Variants in CELF3 observed in about 807,000 individuals in gnomAD.
The protein encoded by CELF3 is CUGBP Elav-like family member 3, also known as CAG repeat domain.
In CELF3, 26 loss-of-function variants were observed where a neutral mutation model predicts 59.6. That is an observed-to-expected ratio of 0.44 (90% CI 0.32 to 0.61). CELF3 has a LOEUF of 0.61. CELF3 is among the 20% of genes least tolerant of loss of function. CELF3 has a pLI of 0.06. For synonymous variants in CELF3, 245 were observed against 250.7 expected (o/e 0.98, Z 0.22); for missense variants, 387 against 627.2 (o/e 0.62, Z 4.09).
At position 151,705,091 on chromosome 1, in the gene CELF3, G is replaced by T. The variant is rs1198353062; in HGVS notation, c.1348C>A (p.Arg450Ser). 6.2e-7 allele frequency: 1 copy of T among 1,613,972 alleles called. No homozygotes were observed. The highest frequency in any genetic ancestry group is 1.1e-5 in the South Asian group (1 of 91,080). ...GGCCGCTTTAGCTGGACTTTGAGGC[G>T]CTTCATGCCGATCTGGAAGCCATTC... ...AMNGFQIGMK[R>S]LKVQLKRPKD... The change falls in exon 12 of 13, where the codon CGC becomes AGC. Residue 450 changes from arginine to serine, a missense_variant. By Grantham distance (110) the Arg-to-Ser change is moderately radical (BLOSUM62 -1). Around this residue, in one of 3 missense-constraint regions of CELF3, gnomAD observed 48 missense variants for 118.8 expected, o/e 0.40. Transcript: ENST00000290583. This position sits in a 1 kb window ranked among gnomAD's most constrained non-coding sequence, Gnocchi z 5.1.
chr1:151,714,711 G>A (rs112842239), intron 1 of CELF3, 35 bp from the exon 2 acceptor site: 2 of 1,434,356 alleles, frequency 1.4e-6, no homozygotes, highest in Non-Finnish European at 1.9e-6. Flanking sequence ...ACACGGCGGG[G>A]GGTGAGTCCT....
chr1:151,712,147 C>T (rs2101472322), intron 2 of CELF3: 1 of 152,436 alleles, frequency 6.6e-6, no homozygotes, highest in Non-Finnish European at 1.5e-5. Context: ...CTGAGTCCAG[C>T]TGTGCCCTGT....
In CELF3 at chr1:151,716,478, T is replaced by C. The variant is rs1673489473; in HGVS notation, c.-458A>G. 9.9e-6 allele frequency: 3 copies of C among 303,370 alleles called. No individual in the cohort carries two copies. Among genetic ancestry groups the C allele is most frequent in the South Asian group, 5.7e-5 (2 of 34,794 alleles). 18.8% of individuals were successfully genotyped at this position (303,370 alleles called of 1,614,324 possible). A position where few individuals can be genotyped will look rare whatever the true frequency, so the allele number is the denominator to read the frequency against. ...GGGCCTGCTATGGTTGCCAGCAGCGTCAGTAAGGGGGGCCCACTCCTGATG... is the reference window on the plus strand; with the variant it reads ...GGGCCTGCTATGGTTGCCAGCAGCGCCAGTAAGGGGGGCCCACTCCTGATG... On this transcript the variant is annotated 5_prime_UTR_variant, in exon 1 of 13. Coordinates refer to ENST00000290583, the MANE Select transcript of CELF3 (RefSeq NM_007185.7).
intron 8 of CELF3, 74 bp downstream of exon 8, chr1:151,707,071 T>A: frequency 7.3e-7 from 1 of 1,379,060 alleles, no homozygotes; most frequent in African/African-American, 1.5e-5. Context: ...GGAGGGAAGG[T>A]GTGTCCTGCC....
At chr1:151,715,578 C>T (rs1442850068) in intron 1 of CELF3, 3 of 1,379,636 alleles carry the variant, frequency 2.2e-6, no homozygotes, top group African/African-American at 1.4e-5. Context: ...CTCTCTTGTC[C>T]CTCCATTCTT....
At position 151,707,049 on chromosome 1, in the gene CELF3, C is replaced by A. The variant is rs1363986697; in HGVS notation, c.922+96G>T. The A allele has an allele frequency of 4.5e-6, 6 of 1,320,758 alleles. No individual in the cohort carries two copies. The African/African-American group carries it at 9.0e-5, about 20-fold the overall frequency. 81.8% of individuals were successfully genotyped at this position (1,320,758 alleles called of 1,614,324 possible). The stretch of plus-strand genomic sequence containing the variant: ...GGCAGGGCAGGAGGAAGCACCTGTA[C>A]CCCCAAAGCTGGGAGGGAAGGTGTG... On this transcript the variant is annotated intron_variant, in intron 8 of 12. Transcript: ENST00000290583.
At position 151,716,039 on chromosome 1, in the gene CELF3, G is replaced by C; in HGVS notation, c.-19C>G. 1 of 1,600,360 alleles carries C rather than the reference G, an allele frequency of 6.2e-7. No individual in the cohort carries two copies. Among genetic ancestry groups the C allele is most frequent in the Non-Finnish European group, 8.5e-7 (1 of 1,172,662 alleles). On this transcript the variant is annotated 5_prime_UTR_variant, in exon 1 of 13. Transcript: ENST00000290583. ...CCTTCATTGAGGCGGCCCAGGAGGA[G>C]GGGCCGAGGGGAGCAGGGAGAGGCC...
intron 2 of CELF3, among the ~76,000 whole-genome samples, chr1:151,712,816 A>T (rs34660868): frequency 0.24 from 36,879 of 152,040 alleles, 4,764 homozygotes; most frequent in Middle Eastern, 0.36. Flanking sequence ...TGATTTTTTT[A>T]AAAAAACCTG....
rs755698942 is a variant in CELF3, at chr1:151,709,207, G to GT, written c.406+12dup. ...GAAGGGCCCGGTGGGGAAGGGGGAAGTGGGTGGACTACCTTTGCTGGTGCC... is the reference window on the plus strand; with the variant it reads ...GAAGGGCCCGGTGGGGAAGGGGGAAGTTGGGTGGACTACCTTTGCTGGTGCC... On this transcript the variant is annotated intron_variant, in intron 4 of 12. Coordinates refer to ENST00000290583, the MANE Select transcript of CELF3 (RefSeq NM_007185.7). The surrounding 1 kb of genome is among the most constrained non-coding windows in gnomAD (Gnocchi z 4.9). 6.2e-7 allele frequency: 1 copy of GT among 1,612,848 alleles called. No homozygotes were observed. Among genetic ancestry groups the GT allele is most frequent in the South Asian group, 1.1e-5 (1 of 91,072 alleles).
rs543348840 is a variant in CELF3, at chr1:151,709,049, G to A, written c.435C>T (p.His145=). The part of the protein sequence containing the change: ...KGCAFVKFQT[H]AEAQAAINTL... ...TGTTGATGGCCGCCTGGGCCTCAGC[G>A]TGGGTCTGGAACTTCACGAAGGCGC... The change falls in exon 5 of 13, where the codon CAC becomes CAT. Residue 145 remains histidine (H), a synonymous_variant. Transcript: ENST00000290583. This position sits in a 1 kb window ranked among gnomAD's most constrained non-coding sequence, Gnocchi z 4.9. The A allele has an allele frequency of 3.3e-4, 537 of 1,613,942 alleles. 6 individuals carry two copies. In the South Asian group the frequency reaches 5.6e-3, roughly 17 times the overall value.
At chr1:151,704,926 T>A in intron 12 of CELF3, 105 bp downstream of exon 12, 1 of 1,277,602 alleles carries the variant, frequency 7.8e-7, no homozygotes, top group South Asian at 1.6e-5. Flanking sequence ...GGGGTGGGCA[T>A]CCCTGAGGGT....
In CELF3 at chr1:151,703,410, A is replaced by G; in HGVS notation, c.*49T>C. On this transcript the variant is annotated 3_prime_UTR_variant, in exon 13 of 13. Transcript: ENST00000290583. ...GAGAGGGCCGGGGCCAGTCGTGGGA[A>G]GAGGGTGTGAGGCGCCCCTTCCTCT... is the stretch of plus-strand genomic sequence containing the variant. The G allele has an allele frequency of 2.7e-6, 1 of 374,264 alleles. No homozygotes were observed. The highest frequency in any genetic ancestry group is 7.3e-5 in the East Asian group (1 of 13,730). 23.2% of individuals were successfully genotyped at this position (374,264 alleles called of 1,614,324 possible).
In CELF3 at chr1:151,715,987, C is replaced by G; in HGVS notation, c.34G>C (p.Gly12Arg). 6.2e-7 allele frequency: 1 copy of G among 1,613,982 alleles called. No individual in the cohort carries two copies. Among genetic ancestry groups the G allele is most frequent in the Non-Finnish European group, 8.5e-7 (1 of 1,179,902 alleles). ...KEPDAIKLFV[G>R]QIPRHLEEKD... ...TCCTCCAGATGCCTCGGGATCTGCCCCACAAACAGCTTGATGGCATCCGGC... is the reference window on the plus strand; with the variant it reads ...TCCTCCAGATGCCTCGGGATCTGCCGCACAAACAGCTTGATGGCATCCGGC... Residue 12 changes from glycine (G) to arginine (R), a missense_variant, in exon 1 of 13, where the codon GGG becomes CGG. Gly to Arg is a moderately radical substitution (Grantham distance 125, BLOSUM62 -2). Transcript: ENST00000290583.
rs118104211 is a variant in CELF3, at chr1:151,708,731, G to A, written c.486+267C>T. On this transcript the variant is annotated intron_variant, in intron 5 of 12. Coordinates refer to ENST00000290583, the MANE Select transcript of CELF3 (RefSeq NM_007185.7). The stretch of plus-strand genomic sequence containing the variant: ...GGAAGGCTGGAGAAGAGACGGGGGT[G>A]AAGGGAGGGCTGGGGAATGGAGGGA... Among the ~76,000 whole-genome samples, 693 of 151,772 alleles carry A rather than the reference G, an allele frequency of 4.6e-3. 22 individuals carry two copies. The highest frequency in any genetic ancestry group is 0.035 in the East Asian group (177 of 5,130).
rs150353802 is a variant in CELF3, at chr1:151,705,628, C to A, written c.1270+194G>T. ...GAATTTGGCCAGTTTTTAAGAGAAACGCTGAAGGAAGAAGAGATGGGCCGA... is the reference window on the plus strand; with the variant it reads ...GAATTTGGCCAGTTTTTAAGAGAAAAGCTGAAGGAAGAAGAGATGGGCCGA... On this transcript the variant is annotated intron_variant, in intron 11 of 12. Transcript: ENST00000290583. The surrounding 1 kb of genome is among the most constrained non-coding windows in gnomAD (Gnocchi z 5.1). Among the ~76,000 whole-genome samples the A allele has an allele frequency of 6.6e-6, 1 of 152,258 alleles. No homozygotes were observed. The highest frequency in any genetic ancestry group is 1.5e-5 in the Non-Finnish European group (1 of 68,014).
At chr1:151,714,503 G>T in intron 2 of CELF3, 91 bp downstream of exon 2, 1 of 919,716 alleles carries the variant, frequency 1.1e-6, no homozygotes, top group Non-Finnish European at 1.8e-6. Context: ...AGAGGAGGTG[G>T]AAATTATGCT....
Position 151,703,085 on chromosome 1 carries a change from G to T in CELF3, c.*374C>A. The stretch of plus-strand genomic sequence containing the variant: ...TGTGGCAGGCCCCTGCGGCTCTCCT[G>T]GGGCCTGCACGGGTAGAACAGGCCC... On this transcript the variant is annotated 3_prime_UTR_variant, in exon 13 of 13. Transcript: ENST00000290583. The T allele has an allele frequency of 2.2e-6, 1 of 446,292 alleles. No homozygotes were observed. The highest frequency in any genetic ancestry group is 2.0e-5 in the African/African-American group (1 of 49,844). The allele number at this position is 446,292 out of a possible 1,614,324, so 27.6% of individuals were successfully genotyped here.
rs998483728 is a variant in CELF3 at position 151,709,540 on chromosome 1, C to T, written c.278-192G>A. The T allele has an allele frequency of 3.1e-5, 29 of 934,350 alleles. No individual in the cohort carries two copies. Among genetic ancestry groups the T allele is most frequent in the Non-Finnish European group, 9.9e-6 (6 of 608,114 alleles). 57.9% of individuals were successfully genotyped at this position (934,350 alleles called of 1,614,324 possible). ...TCATCCCAGCTCTGAGGGACTCGCA[C>T]TCCACCCTGGGCCTCAGTTTTGCCA... On this transcript the variant is annotated intron_variant, in intron 3 of 12. Coordinates refer to ENST00000290583, the MANE Select transcript of CELF3 (RefSeq NM_007185.7). The surrounding 1 kb of genome is among the most constrained non-coding windows in gnomAD (Gnocchi z 4.9).
intron 2 of CELF3, among the ~76,000 whole-genome samples, chr1:151,712,227 G>A (rs1673085797): frequency 6.6e-6 from 1 of 152,120 alleles, no homozygotes; most frequent in Admixed American, 6.5e-5. Context: ...CCCTCCCTCG[G>A]GCCTCCCAAA....
Sources: gnomAD v4.1 joint callset for allele counts (sites outside exome capture counted in the v4.1 genomes callset) on GRCh38, gnomAD v4.1.1 for gene constraint, gnomAD v4.1.1 regional missense constraint, Gnocchi (gnomAD v3.1) non-coding constraint, MANE v1.5 for transcripts, NCBI Gene and HGNC (gene_info 2026-07-23, HGNC 2026-07-21) for gene names.